GABBR2: variants seen among roughly 807,000 people sequenced by gnomAD.
The protein encoded by GABBR2 is G-protein coupled receptor 51.
Under a neutral mutation model 105.6 loss-of-function variants are expected in GABBR2, and 23 were observed. The observed-to-expected ratio is 0.22, with a 90% confidence interval of 0.16 to 0.31. The LOEUF is 0.31. GABBR2 is among the 10% of genes least tolerant of loss of function. GABBR2 has a pLI of 1.00. For synonymous variants in GABBR2, 478 were observed against 499.7 expected (o/e 0.96, Z 0.58); for missense variants, 734 against 1,245.5 (o/e 0.59, Z 6.18).
In GABBR2 at chr9:98,541,005, C is replaced by T. The variant is rs1195956588; in HGVS notation, c.630+868G>A. 2.6e-5 allele frequency among the ~76,000 whole-genome samples: 4 copies of T among 152,126 alleles called. No individual in the cohort carries two copies. The South Asian group carries it at 8.3e-4, about 32-fold the overall frequency. On this transcript the variant is annotated intron_variant, in intron 3 of 18. Coordinates refer to ENST00000259455, the MANE Select transcript of GABBR2 (RefSeq NM_005458.8). ...AAATTTTTAAATGGCCCAGCAAATC[C>T]ACTTCTAGAAGTCTACTGCCAAGAC...
intron 1 of GABBR2, among the ~76,000 whole-genome samples, chr9:98,630,953 A>G (rs1276821018): frequency 6.6e-6 from 1 of 152,206 alleles, no homozygotes; most frequent in Non-Finnish European, 1.5e-5. Flanking sequence ...TCAAGTACTC[A>G]CTAGCCACAC....
intron 9 of GABBR2, 101 bp downstream of exon 9, chr9:98,394,074 C>A (rs1022901297): frequency 4.9e-6 from 4 of 819,664 alleles, no homozygotes; most frequent in Admixed American, 3.8e-5. Context: ...CCTTGACCCC[C>A]TGAAGCCAAG....
At chr9:98,696,858 AAAGT>A (rs1830759392) in intron 1 of GABBR2, among the ~76,000 whole-genome samples, 1 of 152,178 alleles carries the variant, frequency 6.6e-6, no homozygotes, top group African/African-American at 2.4e-5. Context: ...ACAGACATTT[AAAGT>A]GAGTAGAAAG....
chr9:98,628,182 C>T (rs534056181), intron 1 of GABBR2, among the ~76,000 whole-genome samples: 53 of 152,230 alleles, frequency 3.5e-4, no homozygotes, highest in Middle Eastern at 3.4e-3. Context: ...AACAATAAAC[C>T]GTTTACATTT....
intron 1 of GABBR2, among the ~76,000 whole-genome samples, chr9:98,582,991 A>G (rs1292746432): frequency 6.6e-6 from 1 of 152,144 alleles, no homozygotes; most frequent in African/African-American, 2.4e-5. Flanking sequence ...CAGCATTCCA[A>G]TAGTCTAGAG....
intron 1 of GABBR2, among the ~76,000 whole-genome samples, chr9:98,590,194 G>A (rs1346808798): frequency 6.6e-6 from 1 of 152,176 alleles, no homozygotes; most frequent in Non-Finnish European, 1.5e-5. Context: ...CCATAGCTCT[G>A]TCCCAAACAG....
At chr9:98,377,006 C>T (rs760500011) in intron 11 of GABBR2, among the ~76,000 whole-genome samples, 4 of 152,206 alleles carry the variant, frequency 2.6e-5, no homozygotes, top group South Asian at 2.1e-4. Flanking sequence ...CTCAAAGACC[C>T]GATCACAGGC....
intron 7 of GABBR2, among the ~76,000 whole-genome samples, chr9:98,417,294 G>C (rs1448858346): frequency 6.6e-6 from 1 of 152,164 alleles, no homozygotes; most frequent in Non-Finnish European, 1.5e-5. Context: ...AGCTCCCCAG[G>C]GTAAGAGGAC....
chr9:98,317,137 G>A (rs919787861), intron 13 of GABBR2, among the ~76,000 whole-genome samples: 4 of 152,208 alleles, frequency 2.6e-5, no homozygotes, highest in African/African-American at 7.2e-5. Flanking sequence ...GCTGCGCTTT[G>A]GTGCTGCGAG....
chr9:98,421,206 TCA>T (rs935362404), intron 7 of GABBR2, among the ~76,000 whole-genome samples: 3 of 152,222 alleles, frequency 2.0e-5, no homozygotes, highest in Non-Finnish European at 4.4e-5. Flanking sequence ...TTGAAGTAAT[TCA>T]CAGTCTCAAC....
intron 1 of GABBR2, among the ~76,000 whole-genome samples, chr9:98,591,940 A>G (rs1829151921): frequency 6.6e-6 from 1 of 152,214 alleles, no homozygotes; most frequent in South Asian, 2.1e-4. Context: ...AGCAGGCTAT[A>G]CTTTGGCAAT....
At chr9:98,688,174 G>T (rs1830643365) in intron 1 of GABBR2, among the ~76,000 whole-genome samples, 1 of 152,058 alleles carries the variant, frequency 6.6e-6, no homozygotes, top group Non-Finnish European at 1.5e-5. Context: ...TTAAGCAGTT[G>T]GTTTTTTGAA....
intron 1 of GABBR2, among the ~76,000 whole-genome samples, chr9:98,586,915 T>C (rs1413571056): frequency 6.6e-6 from 1 of 152,214 alleles, no homozygotes; most frequent in East Asian, 1.9e-4. Flanking sequence ...GGTCGAATAT[T>C]TGCATACGCG....
rs560985538 is a variant in GABBR2 at position 98,313,481 on chromosome 9, T to A, written c.1894-2276A>T. Reference sequence around the variant, plus strand: ...TATTTTCATCACTCTTCTCCAACAGTGGAATCCCTGCCTTCGAACAACATC... The same window carrying A: ...TATTTTCATCACTCTTCTCCAACAGAGGAATCCCTGCCTTCGAACAACATC... On this transcript the variant is annotated intron_variant, in intron 13 of 18. Coordinates refer to ENST00000259455, the MANE Select transcript of GABBR2 (RefSeq NM_005458.8). Among the ~76,000 whole-genome samples the A allele has an allele frequency of 3.3e-5, 5 of 152,324 alleles. No homozygotes were observed. The South Asian group carries it at 1.0e-3, about 32-fold the overall frequency.
In GABBR2 at chr9:98,436,643, C is replaced by T. The variant is rs888156670; in HGVS notation, c.1236+17338G>A. On this transcript the variant is annotated intron_variant, in intron 7 of 18. Coordinates refer to ENST00000259455, the MANE Select transcript of GABBR2 (RefSeq NM_005458.8). Reference sequence around the variant, plus strand: ...GCAGGCTCCATGCCCCGTGCTCCTCCTATTACACCAAGCTGCCTCCCCCAG... The same window carrying T: ...GCAGGCTCCATGCCCCGTGCTCCTCTTATTACACCAAGCTGCCTCCCCCAG... 1.3e-5 allele frequency among the ~76,000 whole-genome samples: 2 copies of T among 151,420 alleles called. 1 individual carries two copies. Among genetic ancestry groups the T allele is most frequent in the South Asian group, 4.2e-4 (2 of 4,794 alleles).
intron 4 of GABBR2, among the ~76,000 whole-genome samples, chr9:98,488,826 G>A (rs1827115648): frequency 6.6e-6 from 1 of 152,156 alleles, no homozygotes; most frequent in African/African-American, 2.4e-5. Context: ...TGCCGTGGAG[G>A]TTAAGAGCCA....
At chr9:98,700,521 G>T (rs758855027) in intron 1 of GABBR2, among the ~76,000 whole-genome samples, 1 of 152,056 alleles carries the variant, frequency 6.6e-6, no homozygotes, top group African/African-American at 2.4e-5. Flanking sequence ...TTCCTTCCCC[G>T]TCTCCTTCCA....
chr9:98,384,756 C>T (rs1832041594), intron 11 of GABBR2, among the ~76,000 whole-genome samples: 1 of 152,062 alleles, frequency 6.6e-6, no homozygotes, highest in African/African-American at 2.4e-5. Flanking sequence ...ATGATACAGC[C>T]CCCTTGGGGG....
intron 1 of GABBR2, among the ~76,000 whole-genome samples, chr9:98,632,033 G>A (rs371311237): frequency 1.1e-4 from 17 of 152,208 alleles, no homozygotes; most frequent in South Asian, 6.2e-4. Flanking sequence ...TGTAGGAAGC[G>A]AAATGACTGC....
Sources: gnomAD v4.1 joint callset for allele counts (sites outside exome capture counted in the v4.1 genomes callset) on GRCh38, gnomAD v4.1.1 for gene constraint, MANE v1.5 for transcripts, NCBI Gene and HGNC (gene_info 2026-07-23, HGNC 2026-07-21) for gene names.